Variants in CAPZA1 observed in about 807,000 individuals in gnomAD.
CAPZA1 encodes capping actin protein of muscle Z-line subunit alpha 1, also known as F-actin-capping protein subunit alpha-1.
In CAPZA1, 10 loss-of-function variants were observed where a neutral mutation model predicts 40.8. The ratio of observed to expected loss-of-function variants is 0.25; its 90% CI spans 0.15 to 0.42. CAPZA1 has a LOEUF of 0.42. Ranked by LOEUF, CAPZA1 falls within the 10% of genes least tolerant of loss-of-function variation. CAPZA1 has a pLI of 1.00. For missense variants in CAPZA1, 277 were observed against 353.8 expected, an observed-to-expected ratio of 0.78 and a Z score of 1.74; for synonymous variants, 98 against 115.0, an observed-to-expected ratio of 0.85 and a Z score of 0.95.
At chr1:112,669,900 C>T (rs1167717511) in intron 9 of CAPZA1, 92 bp from the exon 10 acceptor site, 1 of 1,392,492 alleles carries the variant, frequency 7.2e-7, no homozygotes. Flanking sequence ...TCACAGGGGA[C>T]TCAAGCATAT....
intron 1 of CAPZA1, among the ~76,000 whole-genome samples, chr1:112,643,875 C>CTTTTTTTTTTTTTTTTTTTTTTTTTTTG (rs1557731528): frequency 1.3e-5 from 2 of 152,046 alleles, no homozygotes; most frequent in African/African-American, 4.8e-5. Flanking sequence ...GAGACAGTCT[C>CTTTTTTTTTTTTTTTTTTTTTTTTTTTG]ACTCTGTCGC....
chr1:112,638,932 A>G lies in CAPZA1; in HGVS notation c.40-8278A>G, dbSNP rs9793214. On this transcript the variant is annotated intron_variant, in intron 1 of 9. Transcript: ENST00000263168. ...GATATAGATATAGATATAGATATAGATATAGGTATAGATATAGAGATAGAG... is the reference window on the plus strand; with the variant it reads ...GATATAGATATAGATATAGATATAGGTATAGGTATAGATATAGAGATAGAG... Among the ~76,000 whole-genome samples, 23 of 117,288 alleles carry G rather than the reference A, an allele frequency of 2.0e-4. 1 individual carries two copies. The highest frequency in any genetic ancestry group is 8.8e-3 in the Middle Eastern group (2 of 228). The allele number at this position is 117,288 out of a possible 152,430, so 76.9% of individuals were successfully genotyped here.
intron 9 of CAPZA1, 45 bp downstream of exon 9, chr1:112,669,650 A>T (rs774910862): frequency 7.5e-7 from 1 of 1,334,804 alleles, no homozygotes; most frequent in Non-Finnish European, 1.1e-6. Context: ...CTATCTTATT[A>T]TTTCGCTGTT....
At chr1:112,632,560 G>T (rs975586488) in intron 1 of CAPZA1, among the ~76,000 whole-genome samples, 2 of 152,136 alleles carry the variant, frequency 1.3e-5, no homozygotes, top group Admixed American at 1.3e-4. Context: ...AAAGACAGGG[G>T]GATGTGGGGC....
intron 8 of CAPZA1, among the ~76,000 whole-genome samples, chr1:112,669,086 A>G (rs1342924150): frequency 1.3e-5 from 2 of 152,204 alleles, no homozygotes; most frequent in Non-Finnish European, 2.9e-5. Flanking sequence ...GTTTAACATC[A>G]TAAGTGGCAA....
chr1:112,643,079 T>C (rs1671208012), intron 1 of CAPZA1, among the ~76,000 whole-genome samples: 3 of 131,452 alleles, frequency 2.3e-5, no homozygotes, highest in African/African-American at 8.3e-5. Context: ...CTCCACAGAT[T>C]TGTCACAAAT....
chr1:112,664,142 G>T (rs911505817), intron 7 of CAPZA1, among the ~76,000 whole-genome samples: 1 of 149,520 alleles, frequency 6.7e-6, no homozygotes, highest in Non-Finnish European at 1.5e-5. Flanking sequence ...TGAGGCAGGA[G>T]AATTGCTTGA....
intron 1 of CAPZA1, among the ~76,000 whole-genome samples, chr1:112,642,626 G>A (rs1671194477): frequency 6.6e-6 from 1 of 152,120 alleles, no homozygotes; most frequent in African/African-American, 2.4e-5. Flanking sequence ...AGGTCCTTGA[G>A]GGTAGTGACA....
chr1:112,631,218 C>G (rs1223673819), intron 1 of CAPZA1, among the ~76,000 whole-genome samples: 1 of 152,158 alleles, frequency 6.6e-6, no homozygotes, highest in African/African-American at 2.4e-5. Context: ...TGCCTGAGAC[C>G]AAATGAATTG....
chr1:112,671,372 G>A lies in CAPZA1; in HGVS notation c.*1240G>A, dbSNP rs1449406359. 1.3e-5 allele frequency: 2 copies of A among 152,572 alleles called. No homozygotes were observed. Among genetic ancestry groups the A allele is most frequent in the African/African-American group, 2.4e-5 (1 of 41,432 alleles). 9.5% of individuals were successfully genotyped at this position (152,572 alleles called of 1,614,324 possible). A position where few individuals can be genotyped will look rare whatever the true frequency, so the allele number is the denominator to read the frequency against. On this transcript the variant is annotated 3_prime_UTR_variant, in exon 10 of 10. Coordinates refer to ENST00000263168, the MANE Select transcript of CAPZA1 (RefSeq NM_006135.3). Reference sequence around the variant, plus strand: ...GAAGGTCAGTTTTTTAAAAAACCAAGTAGTGTCTTCCTACCTATCTCCAGA... The same window carrying A: ...GAAGGTCAGTTTTTTAAAAAACCAAATAGTGTCTTCCTACCTATCTCCAGA...
intron 5 of CAPZA1, among the ~76,000 whole-genome samples, chr1:112,657,632 C>T (rs1671525473): frequency 6.6e-6 from 1 of 151,886 alleles, no homozygotes. Context: ...GCTCTTTTTG[C>T]CCAGGCTGGC....
intron 3 of CAPZA1, among the ~76,000 whole-genome samples, chr1:112,651,868 C>A (rs1427478368): frequency 6.6e-6 from 1 of 151,940 alleles, no homozygotes; most frequent in African/African-American, 2.4e-5. Context: ...GTAATCCCAG[C>A]ACTTTGGGAG....
chr1:112,642,685 G>C (rs1671195873), intron 1 of CAPZA1, among the ~76,000 whole-genome samples: 1 of 152,004 alleles, frequency 6.6e-6, no homozygotes, highest in Admixed American at 6.5e-5. Flanking sequence ...TCTCTTCCTA[G>C]TTTGCCGAAT....
intron 1 of CAPZA1, among the ~76,000 whole-genome samples, chr1:112,646,368 C>T (rs1397051322): frequency 6.6e-6 from 1 of 152,090 alleles, no homozygotes; most frequent in African/African-American, 2.4e-5. Flanking sequence ...TCACCTGAAC[C>T]TAGGAGTTTG....
At chr1:112,640,380 C>A (rs1412591475) in intron 1 of CAPZA1, among the ~76,000 whole-genome samples, 1 of 123,294 alleles carries the variant, frequency 8.1e-6, no homozygotes, top group Non-Finnish European at 1.7e-5. Context: ...GAGCCCCCCA[C>A]CCGGCCAGCC....
At chr1:112,628,621 C>G (rs1670860034) in intron 1 of CAPZA1, among the ~76,000 whole-genome samples, 2 of 152,172 alleles carry the variant, frequency 1.3e-5, no homozygotes, top group African/African-American at 4.8e-5. Context: ...CAAGTCACGT[C>G]TTTGTATAAC....
intron 7 of CAPZA1, among the ~76,000 whole-genome samples, chr1:112,665,994 A>T (rs1486289121): frequency 6.6e-6 from 1 of 152,164 alleles, no homozygotes; most frequent in Admixed American, 6.5e-5. Context: ...CTATAATAGG[A>T]TAACATCTGC....
chr1:112,634,168 A>G (rs978383318), intron 1 of CAPZA1, among the ~76,000 whole-genome samples: 7 of 152,212 alleles, frequency 4.6e-5, no homozygotes, highest in African/African-American at 1.4e-4. Context: ...AGAACTTACC[A>G]GGATAAGAAT....
At chr1:112,657,208 T>C (rs1399398928) in intron 5 of CAPZA1, among the ~76,000 whole-genome samples, 1 of 152,088 alleles carries the variant, frequency 6.6e-6, no homozygotes, top group Non-Finnish European at 1.5e-5. Flanking sequence ...CTAATTTTTC[T>C]CTGTGTGTGT....
Sources: gnomAD v4.1 joint callset for allele counts (sites outside exome capture counted in the v4.1 genomes callset) on GRCh38, gnomAD v4.1.1 for gene constraint, MANE v1.5 for transcripts, NCBI Gene and HGNC (gene_info 2026-07-23, HGNC 2026-07-21) for gene names.